Variants in SPRYD7 observed in about 807,000 individuals in gnomAD.
SPRYD7 encodes SPRY domain containing 7.
In SPRYD7, 14 loss-of-function variants were observed where a neutral mutation model predicts 23.8. The ratio of observed to expected loss-of-function variants is 0.59; its 90% CI spans 0.39 to 0.92. The LOEUF is 0.92. SPRYD7 is among the 40% of genes least tolerant of loss of function. The pLI is 0.00. For synonymous variants in SPRYD7, 75 were observed against 84.9 expected (o/e 0.88, Z 0.64); for missense variants, 194 against 241.7 (o/e 0.80, Z 1.31).
intron 3 of SPRYD7, among the ~76,000 whole-genome samples, chr13:49,925,673 G>A (rs907011363): frequency 6.6e-5 from 10 of 151,926 alleles, no homozygotes; most frequent in East Asian, 1.9e-4. Flanking sequence ...TTAGCCAGTC[G>A]TGGTGGCGGG....
At chr13:49,929,500 G>C (rs1955922164) in intron 2 of SPRYD7, among the ~76,000 whole-genome samples, 2 of 151,744 alleles carry the variant, frequency 1.3e-5, no homozygotes, top group Admixed American at 6.6e-5. Context: ...TTTTGTTTTT[G>C]TATTTGTTTT....
chr13:49,916,115 C>T (rs923355799), intron 4 of SPRYD7, among the ~76,000 whole-genome samples: 3 of 151,982 alleles, frequency 2.0e-5, no homozygotes, highest in African/African-American at 7.3e-5. Context: ...ATTACCTTGA[C>T]CCTGGTGATG....
chr13:49,933,705 C>T (rs901987104), intron 1 of SPRYD7, among the ~76,000 whole-genome samples: 8 of 151,968 alleles, frequency 5.3e-5, no homozygotes, highest in African/African-American at 1.7e-4. Context: ...AGTACACAGA[C>T]GGTTTTAGAA....
At chr13:49,922,282 T>G (rs984911461) in intron 3 of SPRYD7, among the ~76,000 whole-genome samples, 2 of 149,136 alleles carry the variant, frequency 1.3e-5, no homozygotes, top group Non-Finnish European at 3.0e-5. Context: ...GTTAAAATAA[T>G]TATTTTATAA....
intron 1 of SPRYD7, 28 bp downstream of exon 1, chr13:49,936,102 T>C (rs112834666): frequency 1.4e-6 from 2 of 1,455,476 alleles, no homozygotes; most frequent in South Asian, 1.2e-5. Context: ...CCGTGAGCCG[T>C]TGGGTCTGGG....
chr13:49,916,865 T>C (rs977188984), intron 4 of SPRYD7, among the ~76,000 whole-genome samples: 1 of 152,148 alleles, frequency 6.6e-6, no homozygotes, highest in Admixed American at 6.5e-5. Flanking sequence ...GTTTGCAACA[T>C]GCAGAGTACC....
chr13:49,916,713 C>T (rs1005226749), intron 4 of SPRYD7, among the ~76,000 whole-genome samples: 1 of 152,126 alleles, frequency 6.6e-6, no homozygotes, highest in African/African-American at 2.4e-5. Flanking sequence ...GGGATGCATG[C>T]CCAAAGAAGG....
At chr13:49,920,035 A>G (rs1326673884) in intron 4 of SPRYD7, among the ~76,000 whole-genome samples, 1 of 151,992 alleles carries the variant, frequency 6.6e-6, no homozygotes, top group East Asian at 1.9e-4. Context: ...TATTCTTTTT[A>G]CTTCTGTACA....
At chr13:49,916,078 G>C (rs1955748244) in intron 4 of SPRYD7, among the ~76,000 whole-genome samples, 1 of 152,154 alleles carries the variant, frequency 6.6e-6, no homozygotes, top group East Asian at 1.9e-4. Flanking sequence ...GAGGCAGAAG[G>C]AAACCTTTGG....
chr13:49,921,265 T>A (rs781314402), intron 4 of SPRYD7, among the ~76,000 whole-genome samples: 5 of 152,170 alleles, frequency 3.3e-5, no homozygotes, highest in African/African-American at 7.2e-5. Flanking sequence ...CCTATTGCCA[T>A]GTGAAGAAGG....
rs1211983710 is a variant in SPRYD7, at chr13:49,914,922, T to C, written c.*141A>G. On this transcript the variant is annotated 3_prime_UTR_variant, in exon 5 of 5. Coordinates refer to ENST00000361840, the MANE Select transcript of SPRYD7 (RefSeq NM_020456.4). Reference sequence around the variant, plus strand: ...TTTAAATCACAACTTCAGGGTGGTATACTGAATACATTGGTTCCTTAGACA... The same window carrying C: ...TTTAAATCACAACTTCAGGGTGGTACACTGAATACATTGGTTCCTTAGACA... 1 of 443,432 alleles carries C rather than the reference T, an allele frequency of 2.3e-6. No individual in the cohort carries two copies. The highest frequency in any genetic ancestry group is 4.1e-6 in the Non-Finnish European group (1 of 243,040). The allele number at this position is 443,432 out of a possible 1,614,324, so 27.5% of individuals were successfully genotyped here.
rs949352141 is a variant in SPRYD7, at chr13:49,915,187, A to G, written c.494-27T>C. 3 of 1,141,626 alleles carry G rather than the reference A, an allele frequency of 2.6e-6. No individual in the cohort carries two copies. The African/African-American group carries it at 4.7e-5, about 18-fold the overall frequency. The allele number at this position is 1,141,626 out of a possible 1,614,324, so 70.7% of individuals were successfully genotyped here. ...TAAAGGATACAAAAAGAAAGAAAAT[A>G]AATTAGAAGCAAATACTTTAATTTC... is the stretch of plus-strand genomic sequence containing the variant. On this transcript the variant is annotated intron_variant, in intron 4 of 4. Coordinates refer to ENST00000361840, the MANE Select transcript of SPRYD7 (RefSeq NM_020456.4).
chr13:49,927,683 T>C (rs374754312), intron 3 of SPRYD7, among the ~76,000 whole-genome samples: 2 of 151,972 alleles, frequency 1.3e-5, no homozygotes, highest in African/African-American at 2.4e-5. Context: ...TTCTCCAGAG[T>C]AGAAATAAGG....
intron 1 of SPRYD7, among the ~76,000 whole-genome samples, chr13:49,934,825 G>A (rs1173920790): frequency 6.6e-6 from 1 of 152,306 alleles, no homozygotes; most frequent in South Asian, 2.1e-4. Context: ...TTGATCATGA[G>A]TTCCAGGAAT....
chr13:49,927,973 ATTG>A lies in SPRYD7; in HGVS notation c.333_335del (p.Asn112del). 1 of 1,614,174 alleles carries A rather than the reference ATTG, an allele frequency of 6.2e-7. No individual in the cohort carries two copies. Among genetic ancestry groups the A allele is most frequent in the African/African-American group, 1.3e-5 (1 of 75,032 alleles). ...TTGCTGGCAGCCTATTTTTCTCTTC[ATTG>A]TTGTGGTAAAGGGCTCCATCATTTC... On this transcript the variant is annotated inframe_deletion, in exon 3 of 5. Coordinates refer to ENST00000361840, the MANE Select transcript of SPRYD7 (RefSeq NM_020456.4).
rs748193149 is a variant in SPRYD7, at chr13:49,921,296, G to A, written c.493+182C>T. Among the ~76,000 whole-genome samples the A allele has an allele frequency of 7.2e-5, 11 of 152,170 alleles. No homozygotes were observed. The East Asian group carries it at 1.2e-3, about 16-fold the overall frequency. Reference sequence around the variant, plus strand: ...GAAGGATGTGTTTGCTTCCCCTTCCGCCATGATTGTAAGTTTCCTGAGGCC... The same window carrying A: ...GAAGGATGTGTTTGCTTCCCCTTCCACCATGATTGTAAGTTTCCTGAGGCC... On this transcript the variant is annotated intron_variant, in intron 4 of 4. Transcript: ENST00000361840.
At chr13:49,928,954 G>A (rs191552273) in intron 2 of SPRYD7, among the ~76,000 whole-genome samples, 5 of 152,242 alleles carry the variant, frequency 3.3e-5, no homozygotes, top group Admixed American at 2.6e-4. Flanking sequence ...ACAATAAGGT[G>A]TAAAATCATT....
intron 4 of SPRYD7, among the ~76,000 whole-genome samples, chr13:49,920,821 C>T (rs888385626): frequency 1.3e-5 from 2 of 151,900 alleles, no homozygotes; most frequent in East Asian, 1.9e-4. Context: ...AGTAGCCAGG[C>T]GTGGTGGCAG....
intron 1 of SPRYD7, among the ~76,000 whole-genome samples, chr13:49,934,110 C>T (rs1871504187): frequency 6.6e-6 from 1 of 151,818 alleles, no homozygotes; most frequent in African/African-American, 2.4e-5. Context: ...TTTCACACCA[C>T]CAAATCCATG....
Sources: gnomAD v4.1 joint callset for allele counts (sites outside exome capture counted in the v4.1 genomes callset) on GRCh38, gnomAD v4.1.1 for gene constraint, MANE v1.5 for transcripts, NCBI Gene and HGNC (gene_info 2026-07-23, HGNC 2026-07-21) for gene names.